UBQLN1: variants seen among roughly 807,000 people sequenced by gnomAD.
The protein encoded by UBQLN1 is ubiquilin 1.
In UBQLN1, 13 loss-of-function variants were observed where a neutral mutation model predicts 65.4. The ratio of observed to expected loss-of-function variants is 0.20; its 90% CI spans 0.13 to 0.32. UBQLN1 has a LOEUF of 0.32. UBQLN1 is among the 10% of genes least tolerant of loss of function. The pLI, the probability that UBQLN1 is intolerant of heterozygous loss-of-function variation, is 1.00. For synonymous variants in UBQLN1, 267 were observed against 247.8 expected (o/e 1.08, Z -0.73); for missense variants, 561 against 724.0 (o/e 0.77, Z 2.58).
At chr9:83,704,644 G>A (rs1832367338) in intron 1 of UBQLN1, among the ~76,000 whole-genome samples, 1 of 152,046 alleles carries the variant, frequency 6.6e-6, no homozygotes, top group Non-Finnish European at 1.5e-5. Flanking sequence ...GGCCAACATG[G>A]TGAAACCCTG....
chr9:83,687,440 T>C (rs1251096670), intron 1 of UBQLN1, among the ~76,000 whole-genome samples: 1 of 152,112 alleles, frequency 6.6e-6, no homozygotes, highest in East Asian at 1.9e-4. Flanking sequence ...AAGAAATCAG[T>C]CCAAATTCAG....
At chr9:83,694,056 A>G (rs1587658938) in intron 1 of UBQLN1, among the ~76,000 whole-genome samples, 2 of 152,250 alleles carry the variant, frequency 1.3e-5, no homozygotes, top group Admixed American at 1.3e-4. Context: ...TGACTTTAAA[A>G]GCAACATTGT....
chr9:83,672,496 A>T (rs141917237), intron 6 of UBQLN1, among the ~76,000 whole-genome samples: 178 of 152,328 alleles, frequency 1.2e-3, no homozygotes, highest in Middle Eastern at 3.4e-3. Context: ...GTTGTGTCTC[A>T]GAGAATAGGG....
chr9:83,673,546 TAAAAAA>T lies in UBQLN1; in HGVS notation c.1105+4175_1105+4180del, dbSNP rs762494390. On this transcript the variant is annotated intron_variant, in intron 6 of 10. Transcript: ENST00000376395. Reference sequence around the variant, plus strand: ...GGTGACAGGTCGAGACTCGGTCTTTTAAAAAAAAAAAAAAAAAAAAACAAAAAAAAA... The same window carrying T: ...GGTGACAGGTCGAGACTCGGTCTTTTAAAAAAAAAAAAAAACAAAAAAAAA... Among the ~76,000 whole-genome samples the T allele has an allele frequency of 0.011, 835 of 75,566 alleles. 31 individuals carry two copies. In the East Asian group the frequency reaches 0.19, roughly 17 times the overall value. 49.6% of individuals were successfully genotyped at this position (75,566 alleles called of 152,430 possible). A position where few individuals can be genotyped will look rare whatever the true frequency, so the allele number is the denominator to read the frequency against.
At chr9:83,677,302 C>T (rs1275225695) in intron 6 of UBQLN1, among the ~76,000 whole-genome samples, 1 of 152,220 alleles carries the variant, frequency 6.6e-6, no homozygotes, top group Non-Finnish European at 1.5e-5. Flanking sequence ...GCGGCTCACA[C>T]CTATAATCCC....
At chr9:83,704,028 A>T (rs1175461034) in intron 1 of UBQLN1, among the ~76,000 whole-genome samples, 2 of 152,234 alleles carry the variant, frequency 1.3e-5, no homozygotes, top group African/African-American at 4.8e-5. Flanking sequence ...TATTGAAAGA[A>T]ATTTTAACTT....
At chr9:83,703,525 C>CA (rs138588326) in intron 1 of UBQLN1, among the ~76,000 whole-genome samples, 4,400 of 150,158 alleles carry the variant, frequency 0.029, 222 homozygotes, top group African/African-American at 0.1. Context: ...TTCCAAAATC[C>CA]AAAAAAAAAG....
intron 1 of UBQLN1, among the ~76,000 whole-genome samples, chr9:83,693,602 C>T (rs1042457393): frequency 2.5e-4 from 38 of 152,152 alleles, no homozygotes; most frequent in African/African-American, 9.1e-4. Flanking sequence ...AATAAGAGTA[C>T]GCAGAGAATG....
intron 1 of UBQLN1, among the ~76,000 whole-genome samples, chr9:83,687,550 T>C (rs1222900709): frequency 6.6e-6 from 1 of 152,156 alleles, no homozygotes; most frequent in Non-Finnish European, 1.5e-5. Context: ...TGGAAATATA[T>C]AGGGGCATTC....
rs1831555827 is a variant in UBQLN1, at chr9:83,661,150, G to A, written c.*637C>T. On this transcript the variant is annotated 3_prime_UTR_variant, in exon 11 of 11. Transcript: ENST00000376395. ...TGACTAACCGGCACTTTTGCTGGGAGATGTTTGTCAAAGATGCTGTAAGAT... is the reference window on the plus strand; with the variant it reads ...TGACTAACCGGCACTTTTGCTGGGAAATGTTTGTCAAAGATGCTGTAAGAT... 6.6e-6 allele frequency: 1 copy of A among 152,222 alleles called. No individual in the cohort carries two copies. The highest frequency in any genetic ancestry group is 2.4e-5 in the African/African-American group (1 of 41,438). 9.4% of individuals were successfully genotyped at this position (152,222 alleles called of 1,614,324 possible).
Position 83,667,654 on chromosome 9 carries a change from T to G in UBQLN1, c.1249-1221A>C, listed in dbSNP as rs542872349. ...TTAACGAGGTTATCACACATATCTTTTGGAATTCACTTCATTTCATCTTAA... is the reference window on the plus strand; with the variant it reads ...TTAACGAGGTTATCACACATATCTTGTGGAATTCACTTCATTTCATCTTAA... On this transcript the variant is annotated intron_variant, in intron 7 of 10. Transcript: ENST00000376395. 4.4e-5 allele frequency: 43 copies of G among 985,424 alleles called. No individual in the cohort carries two copies. In the East Asian group the frequency reaches 4.6e-3, roughly 107 times the overall value. The allele number at this position is 985,424 out of a possible 1,614,324, so 61.0% of individuals were successfully genotyped here. A position where few individuals can be genotyped will look rare whatever the true frequency, so the allele number is the denominator to read the frequency against.
At chr9:83,682,433 G>C (rs145049267) in intron 3 of UBQLN1, among the ~76,000 whole-genome samples, 2 of 151,896 alleles carry the variant, frequency 1.3e-5, no homozygotes, top group Admixed American at 1.3e-4. Context: ...AGCTATGGAT[G>C]GCATCACTGC....
intron 1 of UBQLN1, among the ~76,000 whole-genome samples, chr9:83,690,743 C>G (rs1800385895): frequency 1.1e-5 from 1 of 92,570 alleles, no homozygotes; most frequent in African/African-American, 3.4e-5. Flanking sequence ...CAGACTCTGT[C>G]TCAAAAAAAA....
At chr9:83,707,110 T>C (rs570261725) in intron 1 of UBQLN1, among the ~76,000 whole-genome samples, 4 of 152,086 alleles carry the variant, frequency 2.6e-5, no homozygotes, top group African/African-American at 7.2e-5. Context: ...AACCGCAGCC[T>C]GAGCTAAAGC....
In UBQLN1 at chr9:83,677,896, G is replaced by A. The variant is rs757291171; in HGVS notation, c.936C>T (p.Ser312=). 2 of 1,614,098 alleles carry A rather than the reference G, an allele frequency of 1.2e-6. No homozygotes were observed. The highest frequency in any genetic ancestry group is 4.5e-5 in the East Asian group (2 of 44,882). The stretch of plus-strand genomic sequence containing the variant: ...GTAGTGGATCTCTATTTTCTGTACG[G>A]GAAGGTTGACTACCTTCACCAGAGG... ...NTSSGEGSQP[S]RTENRDPLPN... Residue 312 remains serine, a synonymous_variant, in exon 6 of 11, where the codon TCC becomes TCT. Transcript: ENST00000376395.
At chr9:83,706,704 T>C (rs1348209708) in intron 1 of UBQLN1, among the ~76,000 whole-genome samples, 1 of 152,200 alleles carries the variant, frequency 6.6e-6, no homozygotes, top group Admixed American at 6.5e-5. Context: ...CTGAACCAAG[T>C]TTAAGTAATA....
chr9:83,676,345 G>C (rs1348869660), intron 6 of UBQLN1, among the ~76,000 whole-genome samples: 1 of 152,182 alleles, frequency 6.6e-6, no homozygotes, highest in South Asian at 2.1e-4. Flanking sequence ...ACTGATTTTT[G>C]GTTTTTGGTT....
At chr9:83,673,388 C>A (rs1422417049) in intron 6 of UBQLN1, among the ~76,000 whole-genome samples, 1 of 151,120 alleles carries the variant, frequency 6.6e-6, no homozygotes, top group African/African-American at 2.4e-5. Flanking sequence ...AGAAAAAAAA[C>A]AAAGAAATTA....
intron 7 of UBQLN1, chr9:83,668,107 A>G (rs557540209): frequency 2.0e-4 from 193 of 985,432 alleles, no homozygotes; most frequent in Non-Finnish European, 2.1e-4. Context: ...ACTCAGTCTG[A>G]TAAGTTTCAT....
Sources: gnomAD v4.1 joint callset for allele counts (sites outside exome capture counted in the v4.1 genomes callset) on GRCh38, gnomAD v4.1.1 for gene constraint, MANE v1.5 for transcripts, NCBI Gene and HGNC (gene_info 2026-07-23, HGNC 2026-07-21) for gene names.